ASPHD1: variants seen among roughly 807,000 people sequenced by gnomAD.
ASPHD1 encodes the protein aspartate beta-hydroxylase domain-containing protein 1.
In ASPHD1, 20 loss-of-function variants were observed where a neutral mutation model predicts 28.3. The ratio of observed to expected loss-of-function variants is 0.71; its 90% CI spans 0.50 to 1.03. The LOEUF (loss-of-function observed/expected upper bound fraction) is 1.03. Among genes scored for constraint, ASPHD1 ranks in the 50% least tolerant of loss-of-function variants. The pLI is 0.00. For synonymous variants in ASPHD1, 240 were observed against 221.2 expected, an observed-to-expected ratio of 1.08 and a Z score of -0.75; for missense variants, 479 against 524.1, an observed-to-expected ratio of 0.91 and a Z score of 0.84.
At chr16:29,907,145 G>A, downstream of ASPHD1, 1 of 1,486,000 alleles carries the variant, frequency 6.7e-7, no homozygotes, top group Non-Finnish European at 9.3e-7. Flanking sequence ...CCTTCCTTCT[G>A]GTGCAGTCAC....
In ASPHD1 at chr16:29,901,304, A is replaced by T; in HGVS notation, c.333A>T (p.Arg111=). ...QDMQALGAGS[R]AGGVRGGPVG... Reference sequence around the variant, plus strand: ...TGCAGGCCCTAGGGGCTGGGAGCCGAGCTGGGGGTGTTCGTGGTGGGCCTG... The same window carrying T: ...TGCAGGCCCTAGGGGCTGGGAGCCGTGCTGGGGGTGTTCGTGGTGGGCCTG... Residue 111 remains arginine (R), a synonymous_variant, in exon 1 of 3, where the codon CGA becomes CGT. Transcript: ENST00000308748. This position sits in a 1 kb window ranked among gnomAD's most constrained non-coding sequence, Gnocchi z 5.1. The T allele has an allele frequency of 6.2e-7, 1 of 1,611,028 alleles. No individual in the cohort carries two copies. Among genetic ancestry groups the T allele is most frequent in the Non-Finnish European group, 8.5e-7 (1 of 1,179,270 alleles).
At chr16:29,902,892 T>C (rs1227071308) in intron 1 of ASPHD1, among the ~76,000 whole-genome samples, 2 of 141,896 alleles carry the variant, frequency 1.4e-5, no homozygotes, top group African/African-American at 5.3e-5. Flanking sequence ...TCTTTTTCTT[T>C]TTTTTTTTTT....
At chr16:29,911,873 G>A (rs747943303) in intron 3 of ASPHD1, 25 of 1,612,028 alleles carry the variant, frequency 1.6e-5, no homozygotes, top group African/African-American at 1.1e-4. Flanking sequence ...ACGGGCTGGC[G>A]GGGGAGAGAG....
Position 29,901,874 on chromosome 16 carries a change from C to G in ASPHD1, c.903C>G (p.Leu301=). 6.5e-7 allele frequency: 1 copy of G among 1,530,166 alleles called. No homozygotes were observed. Among genetic ancestry groups the G allele is most frequent in the South Asian group, 1.3e-5 (1 of 78,242 alleles). The allele number at this position is 1,530,166 out of a possible 1,614,324, so 94.8% of individuals were successfully genotyped here. ...GFSVLLPGAR[L]EGRCGPTNAR... ...CCGTTCTCCTGCCTGGGGCCCGGCT[C>G]GAGGGCCGCTGTGGGCCCACCAATG... Residue 301 remains leucine (L), a synonymous_variant, in exon 1 of 3, where the codon CTC becomes CTG. Transcript: ENST00000308748. This position sits in a 1 kb window ranked among gnomAD's most constrained non-coding sequence, Gnocchi z 5.1.
downstream of ASPHD1, chr16:29,907,103 T>G (rs774099037): frequency 1.2e-6 from 2 of 1,601,872 alleles, no homozygotes; most frequent in South Asian, 2.2e-5. Flanking sequence ...CCTCTGGAAA[T>G]TCCACCTGCA....
At chr16:29,917,425 T>A (rs749781930) in intron 3 of ASPHD1, among the ~76,000 whole-genome samples, 38 of 152,136 alleles carry the variant, frequency 2.5e-4, no homozygotes, top group Non-Finnish European at 3.4e-4. Flanking sequence ...AGTGGGCAGA[T>A]CGCTTGAGCT....
intron 3 of ASPHD1, chr16:29,911,546 C>T (rs2068709462): frequency 1.7e-6 from 1 of 589,286 alleles, no homozygotes. Context: ...AGGGGGAGGA[C>T]TCTGCCAGTT....
At position 29,905,872 on chromosome 16, in the gene ASPHD1, A is replaced by G; in HGVS notation, c.1148A>G (p.Asp383Gly). 6.2e-7 allele frequency: 1 copy of G among 1,613,286 alleles called. No individual in the cohort carries two copies. The highest frequency in any genetic ancestry group is 1.1e-5 in the South Asian group (1 of 91,024). The change falls in exon 3 of 3, where the codon GAC becomes GGC. Residue 383 changes from aspartate (D) to glycine (G), a missense_variant. Asp to Gly is a moderately conservative substitution (Grantham distance 94, BLOSUM62 -1). Transcript: ENST00000308748. The stretch of plus-strand genomic sequence containing the variant: ...GCAGGGGCTGAGCGCCAGGCCCTCG[A>G]CTTTGTCTTCGCCCCAGACCCTTGA... Reference protein sequence around the residue: ...NVAGAERQALDFVFAPDP With the variant: ...NVAGAERQALGFVFAPDP
At position 29,900,962 on chromosome 16, in the gene ASPHD1, T is replaced by C; in HGVS notation, c.-10T>C. 1 of 1,539,158 alleles carries C rather than the reference T, an allele frequency of 6.5e-7. No individual in the cohort carries two copies. The highest frequency in any genetic ancestry group is 8.8e-7 in the Non-Finnish European group (1 of 1,141,500). ...AGGGGAGAGAAAGGAGAGAGGAGGGTTGGAGGTGCATGAAGGAGGGGAGAG... is the reference window on the plus strand; with the variant it reads ...AGGGGAGAGAAAGGAGAGAGGAGGGCTGGAGGTGCATGAAGGAGGGGAGAG... On this transcript the variant is annotated 5_prime_UTR_variant, in exon 1 of 3. Coordinates refer to ENST00000308748, the MANE Select transcript of ASPHD1 (RefSeq NM_181718.4).
Position 29,900,591 on chromosome 16 carries a change from G to GAAT in ASPHD1, c.-380_-379insATA, listed in dbSNP as rs2068526247. 3.6e-6 allele frequency: 1 copy of GAAT among 278,770 alleles called. No homozygotes were observed. The highest frequency in any genetic ancestry group is 2.3e-5 in the African/African-American group (1 of 43,960). 17.3% of individuals were successfully genotyped at this position (278,770 alleles called of 1,614,324 possible). On this transcript the variant is annotated 5_prime_UTR_variant, in exon 1 of 3. Transcript: ENST00000308748. Reference sequence around the variant, plus strand: ...GGTGAGTGGGAGCCCAGGAAGGAGCGAGTAGGAGAGAGGGAGCGAGAGCCA... The same window carrying GAAT: ...GGTGAGTGGGAGCCCAGGAAGGAGCGAATAGTAGGAGAGAGGGAGCGAGAGCCA...
downstream of ASPHD1, among the ~76,000 whole-genome samples, chr16:29,910,358 A>G (rs941010782): frequency 6.6e-6 from 1 of 152,014 alleles, no homozygotes; most frequent in Non-Finnish European, 1.5e-5. Context: ...AGATTGTGCC[A>G]CTGCACTACA....
At chr16:29,919,654 T>C (rs899839034), downstream of ASPHD1, 4 of 152,164 alleles carry the variant, frequency 2.6e-5, no homozygotes, top group Non-Finnish European at 5.9e-5. Context: ...AATAAAAATT[T>C]ATTGACATGT....
At chr16:29,919,138 A>T (rs1321354281) in intron 3 of ASPHD1, among the ~76,000 whole-genome samples, 3 of 152,234 alleles carry the variant, frequency 2.0e-5, no homozygotes, top group African/African-American at 7.2e-5. Context: ...CAGGAAATTA[A>T]GGATAAGGCT....
At position 29,901,527 on chromosome 16, in the gene ASPHD1, C is replaced by T. The variant is rs1483528560; in HGVS notation, c.556C>T (p.Arg186Cys). The T allele has an allele frequency of 6.3e-7, 1 of 1,576,474 alleles. No homozygotes were observed. Among genetic ancestry groups the T allele is most frequent in the South Asian group, 1.1e-5 (1 of 87,876 alleles). ...GRGPGVLGIQ[R>C]PGLLFLPDLP... is the part of the protein sequence containing the mutation. Reference sequence around the variant, plus strand: ...AGGGCCAGGGGTCCTAGGTATTCAGCGCCCAGGCCTGCTTTTCCTACCAGA... The same window carrying T: ...AGGGCCAGGGGTCCTAGGTATTCAGTGCCCAGGCCTGCTTTTCCTACCAGA... The change falls in exon 1 of 3, where the codon CGC (arginine) becomes TGC (cysteine). Residue 186 changes from arginine to cysteine, a missense_variant. Physicochemically the swap from Arg to Cys is radical, Grantham distance 180. Coordinates refer to ENST00000308748, the MANE Select transcript of ASPHD1 (RefSeq NM_181718.4). This position sits in a 1 kb window ranked among gnomAD's most constrained non-coding sequence, Gnocchi z 5.1.
rs2068709901 is a variant in ASPHD1, at chr16:29,911,565, G to C, written c.*62+5606G>C. 3 of 592,018 alleles carry C rather than the reference G, an allele frequency of 5.1e-6. No homozygotes were observed. In the South Asian group the frequency reaches 6.1e-5, roughly 12 times the overall value. 36.7% of individuals were successfully genotyped at this position (592,018 alleles called of 1,614,324 possible). ...GGAGGACTCTGCCAGTTCCTAGAATGAGAGCACTTGGGATAGGCTCGCCAC... is the reference window on the plus strand; with the variant it reads ...GGAGGACTCTGCCAGTTCCTAGAATCAGAGCACTTGGGATAGGCTCGCCAC... On this transcript the variant is annotated intron_variant and NMD_transcript_variant, in intron 3 of 3. Coordinates refer to the ASPHD1 transcript ENST00000414952.
intron 2 of ASPHD1, among the ~76,000 whole-genome samples, chr16:29,905,423 C>T (rs982457091): frequency 2.0e-5 from 3 of 151,844 alleles, no homozygotes; most frequent in Non-Finnish European, 2.9e-5. Flanking sequence ...GCCAGGAGTT[C>T]GAGACCAGCC....
chr16:29,918,948 G>A (rs747196940), intron 3 of ASPHD1, among the ~76,000 whole-genome samples: 4 of 152,034 alleles, frequency 2.6e-5, no homozygotes, highest in Non-Finnish European at 5.9e-5. Context: ...ATGAGCCACC[G>A]CACCTGGCAT....
Position 29,905,763 on chromosome 16 carries a change from G to A in ASPHD1, c.1064-25G>A, listed in dbSNP as rs750763515. 3 of 1,575,736 alleles carry A rather than the reference G, an allele frequency of 1.9e-6. No homozygotes were observed. The South Asian group carries it at 3.3e-5, about 17-fold the overall frequency. On this transcript the variant is annotated intron_variant, in intron 2 of 2. Coordinates refer to ENST00000308748, the MANE Select transcript of ASPHD1 (RefSeq NM_181718.4). ...GCAAGTACCTAATGTCAGTGGCTCT[G>A]CTGTTCCTGTCCCATGTGCCCTAGG...
rs1277011537 is a variant in ASPHD1, at chr16:29,901,521, A to G, written c.550A>G (p.Ile184Val). The G allele has an allele frequency of 1.3e-6, 2 of 1,586,680 alleles. No homozygotes were observed. The highest frequency in any genetic ancestry group is 3.6e-5 in the Admixed American group (2 of 55,724). Residue 184 changes from isoleucine to valine, a missense_variant, in exon 1 of 3, where the codon ATT becomes GTT. Ile to Val is a conservative substitution (Grantham distance 29). Transcript: ENST00000308748. This position sits in a 1 kb window ranked among gnomAD's most constrained non-coding sequence, Gnocchi z 5.1. The part of the protein sequence containing the change: ...GPGRGPGVLG[I>V]QRPGLLFLPD... ...TGGGAGAGGGCCAGGGGTCCTAGGT[A>G]TTCAGCGCCCAGGCCTGCTTTTCCT...
Sources: gnomAD v4.1 joint callset for allele counts (sites outside exome capture counted in the v4.1 genomes callset) on GRCh38, gnomAD v4.1.1 for gene constraint, Gnocchi (gnomAD v3.1) non-coding constraint, MANE v1.5 for transcripts, NCBI Gene and HGNC (gene_info 2026-07-23, HGNC 2026-07-21) for gene names.